The following ZFP2 variants were observed in gnomAD, a reference collection of about 807,000 sequenced individuals.
ZFP2 encodes ZFP2 zinc finger protein, also known as zinc finger protein ZFP2.
A neutral mutation model predicts 36.1 loss-of-function variants in ZFP2; 33 were observed. The observed-to-expected ratio is 0.92, with a 90% confidence interval of 0.69 to 1.22. ZFP2 has a LOEUF of 1.22. Among genes scored for constraint, ZFP2 ranks in the 50% most tolerant of loss-of-function variants. The pLI is 0.00. For missense variants in ZFP2, 522 were observed against 551.4 expected (o/e 0.95, Z 0.53); for synonymous variants, 170 against 178.0 (o/e 0.96, Z 0.36).
At chr5:178,909,784 G>A (rs1029533957) in intron 1 of ZFP2, 27 of 1,583,690 alleles carry the variant, frequency 1.7e-5, no homozygotes, top group South Asian at 6.9e-5. Context: ...CTTTTCCTTC[G>A]CTTCATTTCC....
intron 2 of ZFP2, 35 bp downstream of exon 2, chr5:178,912,754 G>T: frequency 1.9e-6 from 2 of 1,056,156 alleles, no homozygotes; most frequent in Admixed American, 4.1e-5. Flanking sequence ...CCCACCTCTT[G>T]ACAATCATAA....
intron 4 of ZFP2, among the ~76,000 whole-genome samples, chr5:178,920,618 C>T (rs1430462991): frequency 6.7e-6 from 1 of 148,946 alleles, no homozygotes; most frequent in African/African-American, 2.5e-5. Flanking sequence ...GCTTGGGCAA[C>T]AGAGTGAGAC....
chr5:178,922,688 G>A, intron 4 of ZFP2: 1 of 1,584,890 alleles, frequency 6.3e-7, no homozygotes, highest in Non-Finnish European at 8.6e-7. Context: ...GGATATACTG[G>A]AATAGAAAGC....
At chr5:178,909,586 C>T in intron 1 of ZFP2, 2 of 939,396 alleles carry the variant, frequency 2.1e-6, no homozygotes, top group Non-Finnish European at 1.4e-6. Context: ...AGTCTGATCA[C>T]CCCAACAAAG....
intron 4 of ZFP2, among the ~76,000 whole-genome samples, chr5:178,920,407 G>A (rs1758534914): frequency 6.6e-6 from 1 of 152,148 alleles, no homozygotes; most frequent in African/African-American, 2.4e-5. Flanking sequence ...GAGAGGCCAA[G>A]GCTGGTGGGT....
At chr5:178,898,857 T>G (rs1757990718) in intron 1 of ZFP2, among the ~76,000 whole-genome samples, 1 of 152,234 alleles carries the variant, frequency 6.6e-6, no homozygotes, top group Non-Finnish European at 1.5e-5. Flanking sequence ...CCTGCTGTGT[T>G]CTTGGTGCTG....
At chr5:178,907,168 CTT>C (rs1758183832) in intron 1 of ZFP2, among the ~76,000 whole-genome samples, 1 of 152,018 alleles carries the variant, frequency 6.6e-6, no homozygotes, top group African/African-American at 2.4e-5. Flanking sequence ...CTCATGTTCT[CTT>C]TAGTGAAAGT....
At chr5:178,910,094 C>T (rs1238074722) in intron 1 of ZFP2, 2 of 1,470,494 alleles carry the variant, frequency 1.4e-6, no homozygotes, top group African/African-American at 2.8e-5. Context: ...TGAATTTATT[C>T]TCCTGTTTGG....
chr5:178,929,096 A>G (rs1257833876), intron 4 of ZFP2, among the ~76,000 whole-genome samples: 1 of 152,286 alleles, frequency 6.6e-6, no homozygotes, highest in Admixed American at 6.5e-5. Context: ...GCAGTGTCCC[A>G]AGGCTGTGCA....
intron 1 of ZFP2, among the ~76,000 whole-genome samples, chr5:178,905,301 T>G (rs1758147470): frequency 6.6e-6 from 1 of 152,232 alleles, no homozygotes; most frequent in South Asian, 2.1e-4. Context: ...TCTTGCATAT[T>G]TCTCTTAAAT....
At chr5:178,900,341 CCCAG>C (rs1758029354) in intron 1 of ZFP2, among the ~76,000 whole-genome samples, 1 of 147,124 alleles carries the variant, frequency 6.8e-6, no homozygotes, top group African/African-American at 2.6e-5. Flanking sequence ...CGTCCCCCTC[CCCAG>C]CCAGACAGTG....
rs766954853 is a variant in ZFP2 at position 178,932,676 on chromosome 5, C to T, written c.1363C>T (p.Arg455Ter). 84 of 1,604,718 alleles carry T rather than the reference C, an allele frequency of 5.2e-5. 1 individual carries two copies. In the Admixed American group the frequency reaches 7.5e-4, roughly 14 times the overall value. Residue 455 changes from arginine (R) to a stop codon, truncating the protein, a stop_gained, in exon 5 of 5, where the codon CGA (arginine) becomes TGA (stop). Coordinates refer to ENST00000361362, the MANE Select transcript of ZFP2 (RefSeq NM_030613.4). LOFTEE classifies it high-confidence loss of function. ...KAFSRSTNLTRHQRTHT is the reference protein window; with the variant it reads ...KAFSRSTNLT ...CTTCAGCCGGAGTACAAACCTTACA[C>T]GACATCAAAGAACTCATACGTGAGG...
chr5:178,916,790 C>G lies in ZFP2; in HGVS notation c.-78+80C>G, dbSNP rs12654454. The stretch of plus-strand genomic sequence containing the variant: ...AACATGTCAGAATCTGAACACATAT[C>G]TTTTGTTTTGTTGGTTTTTTACTTT... On this transcript the variant is annotated intron_variant, in intron 4 of 4. Transcript: ENST00000361362. The G allele has an allele frequency of 2.7e-3, 2,535 of 953,010 alleles. 94 individuals are homozygous for G. The East Asian group carries it at 0.12, about 46-fold the overall frequency. The allele number at this position is 953,010 out of a possible 1,614,324, so 59.0% of individuals were successfully genotyped here.
chr5:178,927,663 ATGTGTGTGTGTGTGTGTGTGTG>A (rs33974182), intron 4 of ZFP2, among the ~76,000 whole-genome samples: 5 of 92,552 alleles, frequency 5.4e-5, no homozygotes, highest in South Asian at 4.6e-4. Flanking sequence ...TACCTGGCCA[ATGTGTGTGTGTGTGTGTGTGTG>A]TGTGTGTGTG....
intron 1 of ZFP2, among the ~76,000 whole-genome samples, chr5:178,899,883 T>A (rs1758020039): frequency 6.6e-6 from 1 of 152,162 alleles, no homozygotes; most frequent in Admixed American, 6.5e-5. Context: ...CGTTGATTTA[T>A]TAGGATCACT....
Position 178,932,303 on chromosome 5 carries a change from G to A in ZFP2, c.990G>A (p.Glu330=), listed in dbSNP as rs748461227. 12 of 1,614,034 alleles carry A rather than the reference G, an allele frequency of 7.4e-6. No individual in the cohort carries two copies. The African/African-American group carries it at 1.2e-4, about 16-fold the overall frequency. ...GAGTAAAACCTTTTGAATGTAACGA[G>A]TGTGGAAAAGCTTTCAGTAAGAATT... ...HSGVKPFECN[E]CGKAFSKNSS... is the part of the protein sequence containing the mutation. Residue 330 remains glutamate, a synonymous_variant, in exon 5 of 5, where the codon GAG becomes GAA. Coordinates refer to ENST00000361362, the MANE Select transcript of ZFP2 (RefSeq NM_030613.4).
intron 1 of ZFP2, among the ~76,000 whole-genome samples, chr5:178,911,440 C>T (rs1465018293): frequency 3.3e-5 from 5 of 152,144 alleles, no homozygotes; most frequent in Non-Finnish European, 7.3e-5. Flanking sequence ...GCTCTACCTT[C>T]GCCACCCCTG....
intron 1 of ZFP2, among the ~76,000 whole-genome samples, chr5:178,907,789 A>G (rs1758197068): frequency 6.6e-6 from 1 of 152,236 alleles, no homozygotes; most frequent in Admixed American, 6.5e-5. Flanking sequence ...GAAAATACAG[A>G]AACTTCATCA....
intron 4 of ZFP2, among the ~76,000 whole-genome samples, chr5:178,928,179 A>G (rs1236355376): frequency 6.6e-6 from 1 of 152,044 alleles, no homozygotes; most frequent in Non-Finnish European, 1.5e-5. Context: ...TTACATTTCA[A>G]TATGAGATTT....
Sources: allele counts gnomAD v4.1 joint callset (sites outside exome capture counted in the v4.1 genomes callset), GRCh38; gene constraint gnomAD v4.1.1; transcripts MANE v1.5; gene names NCBI Gene and HGNC (gene_info 2026-07-23, HGNC 2026-07-21).